Variants in RCC1 observed in about 807,000 individuals in gnomAD.
RCC1 encodes regulator of chromosome condensation.
A neutral mutation model predicts 44.4 loss-of-function variants in RCC1; 11 were observed. The ratio of observed to expected loss-of-function variants is 0.25; its 90% CI spans 0.16 to 0.41. The LOEUF is 0.41. Ranked by LOEUF, RCC1 falls within the 10% of genes least tolerant of loss-of-function variation. The pLI is 1.00. For missense variants in RCC1, 386 were observed against 547.1 expected, an observed-to-expected ratio of 0.71 and a Z score of 2.94; for synonymous variants, 213 against 216.5, an observed-to-expected ratio of 0.98 and a Z score of 0.14.
At chr1:28,516,929 T>C in intron 4 of RCC1, 62 bp downstream of exon 4, 1 of 447,174 alleles carries the variant, frequency 2.2e-6, no homozygotes, top group Non-Finnish European at 4.5e-6. Context: ...GAATTCAGCC[T>C]GGCCAACATG....
rs1664567148 is a variant in RCC1, at chr1:28,536,562, A to C, written c.937+181A>C. Among the ~76,000 whole-genome samples the C allele has an allele frequency of 6.6e-6, 1 of 152,106 alleles. No homozygotes were observed. ...CTGGTGTTCTTCCAAGTGTGAGTTC[A>C]ATGGGGGCCCATGTAGATTCTCCTA... is the stretch of plus-strand genomic sequence containing the variant. On this transcript the variant is annotated intron_variant, in intron 11 of 12. Transcript: ENST00000683442. The surrounding 1 kb of genome is among the most constrained non-coding windows in gnomAD (Gnocchi z 4.9).
At chr1:28,534,093 G>C (rs189007645) in intron 7 of RCC1, among the ~76,000 whole-genome samples, 2 of 151,752 alleles carry the variant, frequency 1.3e-5, no homozygotes, top group African/African-American at 4.8e-5. Flanking sequence ...GGCCAGGCTG[G>C]TTGTGAATTT....
chr1:28,533,214 G>A (rs1194632802), intron 7 of RCC1, among the ~76,000 whole-genome samples: 2 of 151,848 alleles, frequency 1.3e-5, no homozygotes, highest in South Asian at 2.1e-4. Context: ...GCTCATGCCT[G>A]TAATCCCAGC....
intron 4 of RCC1, among the ~76,000 whole-genome samples, chr1:28,521,794 T>C (rs573303905): frequency 6.6e-6 from 1 of 152,316 alleles, no homozygotes; most frequent in African/African-American, 2.4e-5. Flanking sequence ...TCTCTGCTTC[T>C]TGGACTTGGC....
In RCC1 at chr1:28,535,046, C is replaced by A; in HGVS notation, c.442-4C>A. On this transcript the variant is annotated splice_region_variant and splice_polypyrimidine_tract_variant and intron_variant, in intron 7 of 12. Transcript: ENST00000683442. ...CTGATAAGTGCCCTGTCCCTCCCTT[C>A]TAGGACAATAACGGTGTGATTGGAC... 6.2e-7 allele frequency: 1 copy of A among 1,612,930 alleles called. No homozygotes were observed. Among genetic ancestry groups the A allele is most frequent in the Middle Eastern group, 1.7e-4 (1 of 6,060 alleles).
intron 1 of RCC1, chr1:28,506,487 A>T (rs546184610): frequency 3.2e-6 from 1 of 315,724 alleles, no homozygotes; most frequent in Non-Finnish European, 6.2e-6. Context: ...GCCTGGCCGG[A>T]AATCATGTAA....
chr1:28,522,078 G>A (rs1207789623), intron 4 of RCC1, among the ~76,000 whole-genome samples: 1 of 152,166 alleles, frequency 6.6e-6, no homozygotes, highest in Non-Finnish European at 1.5e-5. Context: ...TGCCCCCAGG[G>A]GCTCATATTT....
intron 3 of RCC1, among the ~76,000 whole-genome samples, chr1:28,511,253 A>G (rs1317341792): frequency 2.0e-5 from 3 of 151,964 alleles, no homozygotes; most frequent in Non-Finnish European, 4.4e-5. Context: ...AAACTACCTC[A>G]TAGAGTTGTA....
intron 4 of RCC1, among the ~76,000 whole-genome samples, chr1:28,524,481 T>C (rs1359275095): frequency 6.6e-6 from 1 of 152,054 alleles, no homozygotes; most frequent in Non-Finnish European, 1.5e-5. Flanking sequence ...ATCGCTTGAG[T>C]CCATGAGTTC....
At chr1:28,507,563 G>GA (rs770628971) in intron 1 of RCC1, 2 of 517,382 alleles carry the variant, frequency 3.9e-6, no homozygotes. Context: ...AACCATGCAG[G>GA]AAACAGCCTT....
intron 4 of RCC1, among the ~76,000 whole-genome samples, chr1:28,521,216 C>G (rs1038035474): frequency 6.6e-6 from 1 of 151,390 alleles, no homozygotes; most frequent in African/African-American, 2.4e-5. Flanking sequence ...GAAGGTGGTC[C>G]TCTGGCCGGG....
chr1:28,526,788 C>T (rs1039872947), intron 4 of RCC1: 31 of 559,384 alleles, frequency 5.5e-5, no homozygotes, highest in South Asian at 1.6e-4. Flanking sequence ...TCCAGGTACT[C>T]AGGAGGCTGA....
rs1027113112 is a variant in RCC1 at position 28,536,138 on chromosome 1, G to A, written c.817+112G>A. Reference sequence around the variant, plus strand: ...GGGGTCGTCTAACCCCTCCAAGCCAGTTTTGTCATCTGTAAAGTGAGAATG... The same window carrying A: ...GGGGTCGTCTAACCCCTCCAAGCCAATTTTGTCATCTGTAAAGTGAGAATG... On this transcript the variant is annotated intron_variant, in intron 10 of 12. Transcript: ENST00000683442. The surrounding 1 kb of genome is among the most constrained non-coding windows in gnomAD (Gnocchi z 4.9). 5.8e-6 allele frequency: 9 copies of A among 1,540,512 alleles called. No homozygotes were observed. Among genetic ancestry groups the A allele is most frequent in the Non-Finnish European group, 7.9e-6 (9 of 1,141,508 alleles).
chr1:28,515,246 C>T (rs6696374), intron 3 of RCC1, among the ~76,000 whole-genome samples: 10 of 151,696 alleles, frequency 6.6e-5, no homozygotes, highest in Non-Finnish European at 7.4e-5. Flanking sequence ...ACTGAGATCA[C>T]GCCATTACAC....
At position 28,536,907 on chromosome 1, in the gene RCC1, G is replaced by C; in HGVS notation, c.1090+8G>C. On this transcript the variant is annotated splice_region_variant and intron_variant, in intron 12 of 12. Transcript: ENST00000683442. This position sits in a 1 kb window ranked among gnomAD's most constrained non-coding sequence, Gnocchi z 4.9. ...ATGCTGTGACCAAGGATGGTGAGTG[G>C]GGCTGCCTACACTCTGTCTAGTTGG... 1 of 1,613,692 alleles carries C rather than the reference G, an allele frequency of 6.2e-7. No individual in the cohort carries two copies. The highest frequency in any genetic ancestry group is 8.5e-7 in the Non-Finnish European group (1 of 1,179,864).
intron 9 of RCC1, chr1:28,535,610 G>A: frequency 1.3e-6 from 1 of 788,102 alleles, no homozygotes; most frequent in South Asian, 1.5e-5. Flanking sequence ...ACTTCATTAG[G>A]TTGCTGTGAA....
chr1:28,510,471 A>C (rs1413333430), intron 3 of RCC1: 1 of 152,160 alleles, frequency 6.6e-6, no homozygotes, highest in Non-Finnish European at 1.5e-5. Flanking sequence ...AAAAATACAA[A>C]ATAACTGGGC....
rs191364222 is a variant in RCC1, at chr1:28,507,433, G to T, written c.-261-695G>T. On this transcript the variant is annotated intron_variant, in intron 1 of 12. Coordinates refer to ENST00000683442, the MANE Select transcript of RCC1 (RefSeq NM_001381865.2). ...TCCAAGTGGCGTAGGGGAGCATAGGGCTCTGCCCCATGATGTACAAGTCCC... is the reference window on the plus strand; with the variant it reads ...TCCAAGTGGCGTAGGGGAGCATAGGTCTCTGCCCCATGATGTACAAGTCCC... 9.6e-6 allele frequency: 5 copies of T among 519,040 alleles called. No individual in the cohort carries two copies. The Admixed American group carries it at 9.7e-5, about 10-fold the overall frequency. The allele number at this position is 519,040 out of a possible 1,614,324, so 32.2% of individuals were successfully genotyped here.
chr1:28,525,657 A>G (rs1416270649), intron 4 of RCC1, among the ~76,000 whole-genome samples: 2 of 152,172 alleles, frequency 1.3e-5, no homozygotes, highest in Non-Finnish European at 2.9e-5. Context: ...CAGAACTGCC[A>G]CCTCATCAGT....
Sources: allele counts gnomAD v4.1 joint callset (sites outside exome capture counted in the v4.1 genomes callset), GRCh38; gene constraint gnomAD v4.1.1; non-coding constraint Gnocchi (gnomAD v3.1); transcripts MANE v1.5; gene names NCBI Gene and HGNC (gene_info 2026-07-23, HGNC 2026-07-21).